The following BEAN1 variants were observed in gnomAD, a reference collection of about 807,000 sequenced individuals.
BEAN1 encodes protein BEAN1.
Under a neutral mutation model 17.7 loss-of-function variants are expected in BEAN1, and 17 were observed. The ratio of observed to expected loss-of-function variants is 0.96; its 90% CI spans 0.66 to 1.44. The LOEUF (loss-of-function observed/expected upper bound fraction) is 1.44. Ranked by LOEUF, BEAN1 falls within the 40% of genes most tolerant of loss-of-function variation. BEAN1 has a pLI of 0.00. For missense variants in BEAN1, 359 were observed against 374.1 expected (o/e 0.96, Z 0.33); for synonymous variants, 142 against 151.8 (o/e 0.94, Z 0.47).
Position 66,477,639 on chromosome 16 carries a change from C to G in BEAN1, c.369C>G (p.Pro123=). ...GCTCCTCAGAGGACTGGCCCCCACC[C>G]TTGGACATCAGCTCTGACGGGGACG... ...ACSSSEDWPP[P]LDISSDGDVD... is the part of the protein sequence containing the mutation. Residue 123 remains proline, a synonymous_variant, in exon 4 of 5, where the codon CCC becomes CCG. Coordinates refer to ENST00000536005, the MANE Select transcript of BEAN1 (RefSeq NM_001178020.3). 6.4e-7 allele frequency: 1 copy of G among 1,551,270 alleles called. No individual in the cohort carries two copies. The highest frequency in any genetic ancestry group is 2.0e-5 in the Admixed American group (1 of 50,938).
At chr16:66,488,530 A>T (rs915052548) in intron 4 of BEAN1, among the ~76,000 whole-genome samples, 3 of 145,872 alleles carry the variant, frequency 2.1e-5, no homozygotes, top group Admixed American at 6.7e-5. Flanking sequence ...AAAAAAAAAA[A>T]AAAAAAAAAA....
chr16:66,455,926 A>G (rs150262527), intron 2 of BEAN1, among the ~76,000 whole-genome samples: 3 of 152,212 alleles, frequency 2.0e-5, no homozygotes, highest in Admixed American at 6.5e-5. Flanking sequence ...CGCTCAAGCA[A>G]TCCGCCCACC....
chr16:66,434,086 A>G lies in BEAN1; in HGVS notation c.-82-3509A>G, dbSNP rs1157569677. On this transcript the variant is annotated intron_variant, in intron 1 of 4. Transcript: ENST00000536005. This position sits in a 1 kb window ranked among gnomAD's most constrained non-coding sequence, Gnocchi z 4.3. ...GCCACCAGCCCGCCCTCGAGTTCCCAGCCAGACAATCCAGTAGGAGATGAG... is the reference window on the plus strand; with the variant it reads ...GCCACCAGCCCGCCCTCGAGTTCCCGGCCAGACAATCCAGTAGGAGATGAG... 6.6e-6 allele frequency among the ~76,000 whole-genome samples: 1 copy of G among 152,210 alleles called. No individual in the cohort carries two copies. The highest frequency in any genetic ancestry group is 1.5e-5 in the Non-Finnish European group (1 of 68,030).
Position 66,480,866 on chromosome 16 carries a change from T to C in BEAN1, c.721T>C (p.Ser241Pro). The C allele has an allele frequency of 6.7e-7, 1 of 1,490,170 alleles. No homozygotes were observed. The highest frequency in any genetic ancestry group is 2.3e-5 in the Admixed American group (1 of 44,276). 92.3% of individuals were successfully genotyped at this position (1,490,170 alleles called of 1,614,324 possible). ...GGGCCCAGACCCAGGGCCAAGGGGC[T>C]CCCAGGGCTCACCCACCCCAACCCG... is the stretch of plus-strand genomic sequence containing the variant. The part of the protein sequence containing the change: ...LPGPDPGPRG[S>P]QGSPTPTRAP... Residue 241 changes from serine to proline, a missense_variant, in exon 5 of 5, where the codon TCC (serine) becomes CCC (proline). Transcript: ENST00000536005.
At chr16:66,476,036 G>C (rs562055297) in intron 3 of BEAN1, among the ~76,000 whole-genome samples, 1 of 151,734 alleles carries the variant, frequency 6.6e-6, no homozygotes, top group Non-Finnish European at 1.5e-5. Flanking sequence ...CGTGGACCCC[G>C]GAGGCGGAGC....
At position 66,480,582 on chromosome 16, in the gene BEAN1, G is replaced by T. The variant is rs559175464; in HGVS notation, c.441-4G>T. The T allele has an allele frequency of 1.3e-6, 2 of 1,523,092 alleles. No individual in the cohort carries two copies. Among genetic ancestry groups the T allele is most frequent in the East Asian group, 2.5e-5 (1 of 40,334 alleles). 94.3% of individuals were successfully genotyped at this position (1,523,092 alleles called of 1,614,324 possible). ...GGGCACTGAGGGAGCCTCTTCTCTCGTAGCTACGAGGAGTGTGTGGGGCCA... is the reference window on the plus strand; with the variant it reads ...GGGCACTGAGGGAGCCTCTTCTCTCTTAGCTACGAGGAGTGTGTGGGGCCA... On this transcript the variant is annotated splice_polypyrimidine_tract_variant and splice_region_variant and intron_variant, in intron 4 of 4. Coordinates refer to ENST00000536005, the MANE Select transcript of BEAN1 (RefSeq NM_001178020.3).
chr16:66,461,742 G>A (rs564551300), intron 2 of BEAN1, among the ~76,000 whole-genome samples: 1 of 152,302 alleles, frequency 6.6e-6, no homozygotes, highest in East Asian at 1.9e-4. Context: ...AGACATTCCA[G>A]AGCCCCATCG....
intron 3 of BEAN1, chr16:66,476,543 G>C (rs1448079899): frequency 2.0e-5 from 3 of 152,494 alleles, no homozygotes; most frequent in Admixed American, 6.5e-5. Flanking sequence ...CCTGGACTGA[G>C]GAGACCTCGT....
chr16:66,472,073 C>T (rs914177177), intron 3 of BEAN1, among the ~76,000 whole-genome samples: 2 of 152,238 alleles, frequency 1.3e-5, no homozygotes, highest in African/African-American at 2.4e-5. Flanking sequence ...TGGGCTCTTC[C>T]CTCTGCCCTG....
rs902443331 is a variant in BEAN1 at position 66,438,811 on chromosome 16, C to G, written c.25+1110C>G. ...TTCCATGATGTTCCCTGAGCCCCCC[C>G]CAAACCACCACCACTCGCTATAATT... is the stretch of plus-strand genomic sequence containing the variant. On this transcript the variant is annotated intron_variant, in intron 2 of 4. Transcript: ENST00000536005. Among the ~76,000 whole-genome samples the G allele has an allele frequency of 7.9e-5, 12 of 152,170 alleles. No homozygotes were observed. The South Asian group carries it at 8.3e-4, about 11-fold the overall frequency.
intron 2 of BEAN1, among the ~76,000 whole-genome samples, chr16:66,446,436 G>A (rs965140757): frequency 6.6e-6 from 1 of 152,170 alleles, no homozygotes; most frequent in Non-Finnish European, 1.5e-5. Context: ...TTGGTGGGGG[G>A]CTGTGAGTCA....
intron 2 of BEAN1, among the ~76,000 whole-genome samples, chr16:66,448,211 C>CTGT (rs1318325668): frequency 5.6e-5 from 6 of 107,066 alleles, no homozygotes; most frequent in East Asian, 2.2e-4. Context: ...CTAGGGTTTG[C>CTGT]TGTTGTTGTT....
At chr16:66,439,798 T>C (rs374478871) in intron 2 of BEAN1, among the ~76,000 whole-genome samples, 49 of 152,288 alleles carry the variant, frequency 3.2e-4, no homozygotes, top group Middle Eastern at 3.4e-3. Context: ...AGCCCCTGAC[T>C]CTGCCACCAG....
At chr16:66,488,849 C>A (rs539693364) in intron 4 of BEAN1, among the ~76,000 whole-genome samples, 2 of 152,240 alleles carry the variant, frequency 1.3e-5, no homozygotes, top group African/African-American at 4.8e-5. Flanking sequence ...CCCAGTGAGA[C>A]TGATTTTGGA....
chr16:66,467,757 G>A (rs894743585), intron 2 of BEAN1, among the ~76,000 whole-genome samples: 1 of 152,190 alleles, frequency 6.6e-6, no homozygotes, highest in African/African-American at 2.4e-5. Context: ...GCGTCTTACA[G>A]TGAACTTCAG....
chr16:66,485,320 T>C, downstream of BEAN1: 1 of 358,280 alleles, frequency 2.8e-6, no homozygotes, highest in Non-Finnish European at 5.5e-6. Flanking sequence ...AGTGCCCTTC[T>C]CACTTAGAGC....
At chr16:66,446,329 G>T (rs1962454945) in intron 2 of BEAN1, among the ~76,000 whole-genome samples, 2 of 152,152 alleles carry the variant, frequency 1.3e-5, no homozygotes, top group Non-Finnish European at 2.9e-5. Flanking sequence ...TTGGATTTGG[G>T]GTGGATAAGG....
chr16:66,442,452 G>A (rs1962293108), intron 2 of BEAN1, among the ~76,000 whole-genome samples: 1 of 152,202 alleles, frequency 6.6e-6, no homozygotes, highest in Admixed American at 6.5e-5. Context: ...AAAGCAGGAA[G>A]AAGAAGGGTG....
At chr16:66,474,597 G>GGAGAGAGGGAGGGAGA (rs1963636507) in intron 3 of BEAN1, among the ~76,000 whole-genome samples, 2 of 23,230 alleles carry the variant, frequency 8.6e-5, no homozygotes, top group East Asian at 1.6e-3. Flanking sequence ...AGGGAGGGAG[G>GGAGAGAGGGAGGGAGA]GAGGGAGAGA....
Sources: gnomAD v4.1 joint callset for allele counts (sites outside exome capture counted in the v4.1 genomes callset) on GRCh38, gnomAD v4.1.1 for gene constraint, Gnocchi (gnomAD v3.1) non-coding constraint, MANE v1.5 for transcripts, NCBI Gene and HGNC (gene_info 2026-07-23, HGNC 2026-07-21) for gene names.